Variants in DNA2 observed in about 807,000 individuals in gnomAD.
DNA2 encodes DNA replication helicase/nuclease 2, also known as DNA replication ATP-dependent helicase/nuclease DNA2.
A neutral mutation model predicts 119.1 loss-of-function variants in DNA2; 101 were observed. The ratio of observed to expected loss-of-function variants is 0.85; its 90% CI spans 0.72 to 1.00. DNA2 has a LOEUF of 1.00. Ranked by LOEUF, DNA2 falls within the 50% of genes least tolerant of loss-of-function variation. The probability of loss-of-function intolerance (pLI) is 0.00; values close to 1 mark genes in which losing one functional copy is unlikely to be tolerated. For synonymous variants in DNA2, 366 were observed against 424.4 expected, an observed-to-expected ratio of 0.86 and a Z score of 1.69; for missense variants, 1,121 against 1,255.5, an observed-to-expected ratio of 0.89 and a Z score of 1.62.
At chr10:68,463,361 G>A (rs1450350342) in intron 4 of DNA2, among the ~76,000 whole-genome samples, 18 of 148,664 alleles carry the variant, frequency 1.2e-4, no homozygotes, top group South Asian at 6.5e-4. Context: ...GGAGAATGGC[G>A]TGAACCCAGG....
chr10:68,435,542 T>C lies in DNA2; in HGVS notation c.1646+1469A>G, dbSNP rs540904979. ...TGCAATCTCGGCTCACTGAAACCTC[T>C]GCCTCCGGGTTCAAGCGATTCCCCT... On this transcript the variant is annotated intron_variant, in intron 10 of 20. Transcript: ENST00000358410. Among the ~76,000 whole-genome samples, 4 of 152,156 alleles carry C rather than the reference T, an allele frequency of 2.6e-5. No homozygotes were observed. In the East Asian group the frequency reaches 5.8e-4, roughly 22 times the overall value.
At chr10:68,466,021 CT>C (rs948105955) in intron 3 of DNA2, among the ~76,000 whole-genome samples, 10 of 148,864 alleles carry the variant, frequency 6.7e-5, no homozygotes, top group Admixed American at 2.0e-4. Flanking sequence ...ATGAGTTATC[CT>C]TTTTTTTTTC....
upstream of DNA2, chr10:68,471,988 A>C (rs200672944): frequency 9.9e-6 from 16 of 1,611,202 alleles, no homozygotes; most frequent in African/African-American, 5.3e-5. Flanking sequence ...CAACCCGCAG[A>C]TGTCCCAAAT....
chr10:68,422,808 G>C lies in DNA2; in HGVS notation c.2291C>G (p.Ala764Gly), dbSNP rs765854826. 6.2e-7 allele frequency: 1 copy of C among 1,611,192 alleles called. No individual in the cohort carries two copies. Among genetic ancestry groups the C allele is most frequent in the Non-Finnish European group, 8.5e-7 (1 of 1,179,298 alleles). ...ACAAATTGGTTGGCTAATTTGAGAG[G>C]CTTCATCCACAATACAAAAATCAAA... ...KIFDFCIVDE[A>G]SQISQPICLG... is the part of the protein sequence containing the mutation. The change falls in exon 15 of 21, where the codon GCC becomes GGC. Residue 764 changes from alanine (A) to glycine (G), a missense_variant. Physicochemically the swap from Ala to Gly is moderately conservative, Grantham distance 60. Transcript: ENST00000358410.
In DNA2 at chr10:68,432,370, T is replaced by A. The variant is rs138768815; in HGVS notation, c.1763+24A>T. ...ATTCCTTAGAAAAGTGGAGTGAAAT[T>A]CAAATTTGCTCATTGTTACAAACCT... On this transcript the variant is annotated intron_variant, in intron 11 of 20. Transcript: ENST00000358410. The A allele has an allele frequency of 2.3e-4, 355 of 1,565,758 alleles. 1 individual carries two copies. In the African/African-American group the frequency reaches 4.3e-3, roughly 19 times the overall value.
Position 68,422,282 on chromosome 10 carries a change from A to G in DNA2, c.2640T>C (p.Pro880=). The G allele has an allele frequency of 6.2e-7, 1 of 1,613,744 alleles. No individual in the cohort carries two copies. Among genetic ancestry groups the G allele is most frequent in the Non-Finnish European group, 8.5e-7 (1 of 1,179,788 alleles). ...LEFYADYSDN[P]WLMGVFEPNN... ...TGGGTTCAAATACTCCCATCAACCAAGGATTATCAGAATAGTCAGCATAAA... is the reference window on the plus strand; with the variant it reads ...TGGGTTCAAATACTCCCATCAACCAGGGATTATCAGAATAGTCAGCATAAA... The change falls in exon 17 of 21, where the codon CCT becomes CCC. Residue 880 remains proline, a synonymous_variant. Coordinates refer to ENST00000358410, the MANE Select transcript of DNA2 (RefSeq NM_001080449.3).
chr10:68,427,049 A>C (rs2051750977), intron 14 of DNA2, among the ~76,000 whole-genome samples: 1 of 152,026 alleles, frequency 6.6e-6, no homozygotes, highest in Admixed American at 6.6e-5. Context: ...TGAAGAAGAG[A>C]TACAGATGAC....
At chr10:68,448,527 G>A (rs754496497) in intron 6 of DNA2, among the ~76,000 whole-genome samples, 8 of 151,974 alleles carry the variant, frequency 5.3e-5, no homozygotes, top group South Asian at 2.1e-4. Context: ...GTCTTGTCTC[G>A]TGCATAATAT....
chr10:68,421,071 T>G (rs2051658563), intron 17 of DNA2, among the ~76,000 whole-genome samples: 1 of 152,008 alleles, frequency 6.6e-6, no homozygotes, highest in East Asian at 1.9e-4. Context: ...CCCAGGTAGC[T>G]GGGACTACAG....
rs377212331 is a variant in DNA2 at position 68,425,689 on chromosome 10, C to T, written c.2209-2799G>A. Among the ~76,000 whole-genome samples the T allele has an allele frequency of 3.6e-3, 543 of 152,046 alleles. 1 individual carries two copies. The highest frequency in any genetic ancestry group is 5.6e-3 in the Non-Finnish European group (378 of 67,960). ...GTGCTAGGATTACAGGCGTGAGACA[C>T]CGCGCCCGGCCATCTCTGGAACATT... is the stretch of plus-strand genomic sequence containing the variant. On this transcript the variant is annotated intron_variant, in intron 14 of 20. Transcript: ENST00000358410.
intron 10 of DNA2, 167 bp downstream of exon 10, chr10:68,436,844 G>A: frequency 1.7e-6 from 1 of 582,916 alleles, no homozygotes; most frequent in Non-Finnish European, 2.9e-6. Flanking sequence ...TTCCTTGGGA[G>A]TTTCTTTTTG....
Position 68,470,148 on chromosome 10 carries a change from C to T in DNA2, c.90G>A (p.Val30=), listed in dbSNP as rs376901918. 61 of 1,590,656 alleles carry T rather than the reference C, an allele frequency of 3.8e-5. No homozygotes were observed. Among genetic ancestry groups the T allele is most frequent in the Non-Finnish European group, 4.9e-5 (57 of 1,174,578 alleles). The change falls in exon 2 of 21, where the codon GTG becomes GTA. Residue 30 remains valine (V), a synonymous_variant. Transcript: ENST00000358410. ...GAACTGTTCTTGGAAAGGAAGCTAC[C>T]ACTTTCTTCTGAAATCTAAAGCACA... The part of the protein sequence containing the change: ...ELPAELFQKK[V]VASFPRTVLS...
chr10:68,421,669 C>G (rs1055928571), intron 17 of DNA2, among the ~76,000 whole-genome samples: 11 of 151,760 alleles, frequency 7.2e-5, no homozygotes, highest in Non-Finnish European at 1.3e-4. Context: ...AGGAGAATCG[C>G]TTGAATCTGG....
chr10:68,429,879 C>T (rs1048834437), intron 14 of DNA2, among the ~76,000 whole-genome samples: 2 of 145,804 alleles, frequency 1.4e-5, no homozygotes, highest in African/African-American at 2.6e-5. Flanking sequence ...CTAAAAAACC[C>T]GGATTTTTTT....
intron 7 of DNA2, among the ~76,000 whole-genome samples, chr10:68,445,828 T>A (rs560178348): frequency 5.9e-5 from 9 of 152,064 alleles, no homozygotes; most frequent in East Asian, 5.8e-4. Context: ...AAAATTCTTT[T>A]AAAAAAAACC....
chr10:68,459,204 T>A lies in DNA2; in HGVS notation c.619A>T (p.Lys207Ter). ...GGAAGATAGTCCTCTACTTCTTGTT[T>A]TATTTCATCTTGACTTAGATTTAAG... The part of the protein sequence containing the change: ...YRLNLSQDEI[K>*]QEVEDYLPSF... Residue 207 changes from lysine to a stop codon, truncating the protein, a stop_gained, in exon 5 of 21, where the codon AAA (lysine) becomes TAA (stop). Transcript: ENST00000358410. LOFTEE classifies it high-confidence loss of function. The A allele has an allele frequency of 6.4e-7, 1 of 1,564,140 alleles. No homozygotes were observed. Among genetic ancestry groups the A allele is most frequent in the Non-Finnish European group, 8.7e-7 (1 of 1,153,602 alleles).
At chr10:68,470,582 C>A (rs557943171) in intron 1 of DNA2, 52 of 453,520 alleles carry the variant, frequency 1.1e-4, no homozygotes, top group Admixed American at 5.3e-4. Context: ...CTACTGCACC[C>A]CTTCCTGAGC....
intron 8 of DNA2, among the ~76,000 whole-genome samples, chr10:68,444,543 G>A (rs978497396): frequency 2.0e-5 from 3 of 151,864 alleles, no homozygotes; most frequent in Non-Finnish European, 4.4e-5. Flanking sequence ...TGACCAACAC[G>A]GTGAAACCTC....
intron 13 of DNA2, among the ~76,000 whole-genome samples, chr10:68,431,146 C>A (rs543753196): frequency 1.0e-4 from 15 of 150,578 alleles, no homozygotes; most frequent in Non-Finnish European, 1.9e-4. Flanking sequence ...GACTTGGACT[C>A]CCAAAGTGCT....
Sources: gnomAD v4.1 joint callset for allele counts (sites outside exome capture counted in the v4.1 genomes callset) on GRCh38, gnomAD v4.1.1 for gene constraint, MANE v1.5 for transcripts, NCBI Gene and HGNC (gene_info 2026-07-23, HGNC 2026-07-21) for gene names.